Variants in ERC2 observed in about 807,000 individuals in gnomAD.
ERC2 encodes the protein ERC protein 2.
Under a neutral mutation model 114.8 loss-of-function variants are expected in ERC2, and 42 were observed. The ratio of observed to expected loss-of-function variants is 0.37; its 90% confidence interval spans 0.29 to 0.47. The LOEUF is 0.47. Among genes scored for constraint, ERC2 ranks in the 20% least tolerant of loss-of-function variants. The pLI, the probability that ERC2 is intolerant of heterozygous loss-of-function variation, is 0.99. For synonymous variants in ERC2, 454 were observed against 425.5 expected, an observed-to-expected ratio of 1.07 and a Z score of -0.82; for missense variants, 939 against 1,150.7, an observed-to-expected ratio of 0.82 and a Z score of 2.66.
intron 17 of ERC2, among the ~76,000 whole-genome samples, chr3:55,586,899 T>C (rs1384088123): frequency 6.6e-6 from 1 of 152,202 alleles, no homozygotes; most frequent in African/African-American, 2.4e-5. Context: ...AAAATTTTTT[T>C]CTATGAACAA....
chr3:55,860,425 A>G (rs1028923135), intron 14 of ERC2, among the ~76,000 whole-genome samples: 4 of 151,670 alleles, frequency 2.6e-5, no homozygotes, highest in Admixed American at 1.3e-4. Flanking sequence ...CCTCCCTTTT[A>G]GTGTTTTTTT....
intron 17 of ERC2, among the ~76,000 whole-genome samples, chr3:55,640,424 C>G (rs893034852): frequency 2.0e-5 from 3 of 152,206 alleles, no homozygotes; most frequent in Non-Finnish European, 4.4e-5. Flanking sequence ...TTGATCTGCC[C>G]TAACTTGTAC....
chr3:56,060,731 C>G (rs546406419), intron 7 of ERC2, among the ~76,000 whole-genome samples: 1 of 152,146 alleles, frequency 6.6e-6, no homozygotes, highest in Non-Finnish European at 1.5e-5. Context: ...CCCAATGGAC[C>G]CTGTTCCATT....
chr3:56,174,876 G>A (rs930906327), intron 3 of ERC2, among the ~76,000 whole-genome samples: 8 of 151,960 alleles, frequency 5.3e-5, no homozygotes, highest in Non-Finnish European at 5.9e-5. Context: ...TACTTGGGAG[G>A]CTGAGGCAGG....
chr3:55,912,725 T>C (rs771090591), intron 13 of ERC2, among the ~76,000 whole-genome samples: 13 of 152,100 alleles, frequency 8.5e-5, no homozygotes, highest in Admixed American at 2.0e-4. Context: ...TTTCTATTTC[T>C]CATTACTCAA....
intron 14 of ERC2, among the ~76,000 whole-genome samples, chr3:55,827,124 G>A (rs986039843): frequency 7.2e-5 from 11 of 152,162 alleles, no homozygotes; most frequent in African/African-American, 1.9e-4. Context: ...TGAGTAAGGA[G>A]CATTCTTTCG....
At chr3:55,684,389 T>C (rs1454471628) in intron 16 of ERC2, among the ~76,000 whole-genome samples, 1 of 152,132 alleles carries the variant, frequency 6.6e-6, no homozygotes, top group Non-Finnish European at 1.5e-5. Flanking sequence ...CGATAATTCA[T>C]ATTGGTTATT....
chr3:56,045,453 A>G (rs916198288), intron 7 of ERC2, among the ~76,000 whole-genome samples: 1 of 152,096 alleles, frequency 6.6e-6, no homozygotes, highest in African/African-American at 2.4e-5. Flanking sequence ...TCCAGAGCCC[A>G]GTTTTGAATA....
intron 7 of ERC2, among the ~76,000 whole-genome samples, chr3:56,065,790 T>A (rs943664116): frequency 6.6e-6 from 1 of 152,104 alleles, no homozygotes; most frequent in Non-Finnish European, 1.5e-5. Context: ...TGAGTGAGTA[T>A]ATGTGGTGTT....
At chr3:56,036,402 T>G (rs944836069) in intron 7 of ERC2, among the ~76,000 whole-genome samples, 2 of 152,066 alleles carry the variant, frequency 1.3e-5, no homozygotes, top group Non-Finnish European at 2.9e-5. Context: ...AACAATAAAA[T>G]CATCCGAATC....
At chr3:55,910,098 GA>G (rs1338244410) in intron 13 of ERC2, among the ~76,000 whole-genome samples, 1 of 152,052 alleles carries the variant, frequency 6.6e-6, no homozygotes, top group African/African-American at 2.4e-5. Flanking sequence ...TCTATTTTAA[GA>G]AAACATTGGG....
intron 13 of ERC2, among the ~76,000 whole-genome samples, chr3:55,913,617 AT>A (rs1474701217): frequency 6.6e-6 from 1 of 152,298 alleles, no homozygotes; most frequent in East Asian, 1.9e-4. Context: ...AAAAAAAAAT[AT>A]TTTATGGAAA....
intron 2 of ERC2, among the ~76,000 whole-genome samples, chr3:56,376,984 T>C (rs988545852): frequency 3.3e-5 from 5 of 152,156 alleles, no homozygotes; most frequent in Non-Finnish European, 2.9e-5. Context: ...GCACATGTAA[T>C]TATAATGGTC....
chr3:56,328,392 A>C (rs1576451651), intron 2 of ERC2, among the ~76,000 whole-genome samples: 1 of 152,244 alleles, frequency 6.6e-6, no homozygotes. Flanking sequence ...TGGGAATCTC[A>C]TCCTCAGTAG....
At chr3:55,579,731 C>T (rs2057162931) in intron 17 of ERC2, among the ~76,000 whole-genome samples, 3 of 152,210 alleles carry the variant, frequency 2.0e-5, no homozygotes, top group Non-Finnish European at 4.4e-5. Flanking sequence ...AAAACAAGTC[C>T]GTTTACAGGA....
At chr3:55,711,471 T>A (rs1005159739) in intron 15 of ERC2, among the ~76,000 whole-genome samples, 1 of 152,226 alleles carries the variant, frequency 6.6e-6, no homozygotes, top group African/African-American at 2.4e-5. Context: ...ATCTCCAATA[T>A]TGTTCTTCCA....
chr3:56,117,819 A>G (rs2079330433), intron 6 of ERC2, among the ~76,000 whole-genome samples: 1 of 152,230 alleles, frequency 6.6e-6, no homozygotes, highest in South Asian at 2.1e-4. Context: ...TTCAGCATCC[A>G]ATGAGCTCTC....
intron 6 of ERC2, among the ~76,000 whole-genome samples, chr3:56,124,662 C>G (rs933712385): frequency 8.5e-5 from 13 of 152,168 alleles, no homozygotes; most frequent in African/African-American, 2.4e-5. Flanking sequence ...ATTTAGAGAA[C>G]AATTCTGGAA....
At chr3:56,090,627 T>C (rs961556794) in intron 6 of ERC2, among the ~76,000 whole-genome samples, 13 of 152,092 alleles carry the variant, frequency 8.5e-5, no homozygotes, top group African/African-American at 2.9e-4. Context: ...TAAATTCAAA[T>C]TGGAAATATT....
Sources: gnomAD v4.1 joint callset for allele counts (sites outside exome capture counted in the v4.1 genomes callset) on GRCh38, gnomAD v4.1.1 for gene constraint, MANE v1.5 for transcripts, NCBI Gene and HGNC (gene_info 2026-07-23, HGNC 2026-07-21) for gene names.